GRID2: variants seen among roughly 807,000 people sequenced by gnomAD.
The protein encoded by GRID2 is glutamate receptor ionotropic, delta-2.
In GRID2, 33 loss-of-function variants were observed where a neutral mutation model predicts 114.8. The observed-to-expected ratio is 0.29, with a 90% CI of 0.22 to 0.38. The LOEUF (loss-of-function observed/expected upper bound fraction) is 0.38, where lower values mean the gene tolerates loss of function less well. Ranked by LOEUF, GRID2 falls within the 10% of genes least tolerant of loss-of-function variation. The pLI, the probability that GRID2 is intolerant of heterozygous loss-of-function variation, is 1.00. For synonymous variants in GRID2, 505 were observed against 449.9 expected (o/e 1.12, Z -1.55); for missense variants, 1,184 against 1,257.7 (o/e 0.94, Z 0.89).
intron 2 of GRID2, among the ~76,000 whole-genome samples, chr4:92,759,050 G>A (rs913851843): frequency 6.6e-6 from 1 of 152,084 alleles, no homozygotes; most frequent in Non-Finnish European, 1.5e-5. Context: ...CAGTCAAGAT[G>A]TCCACAAATA....
chr4:93,140,690 T>C (rs1486699704), intron 4 of GRID2, among the ~76,000 whole-genome samples: 1 of 152,206 alleles, frequency 6.6e-6, no homozygotes, highest in Admixed American at 6.5e-5. Context: ...CTTAACTTAG[T>C]GTTATAAAAT....
intron 2 of GRID2, among the ~76,000 whole-genome samples, chr4:92,793,402 G>A (rs1739687391): frequency 6.6e-6 from 1 of 151,552 alleles, no homozygotes; most frequent in African/African-American, 2.4e-5. Flanking sequence ...GAGGGTGGAG[G>A]GTCGGAACAG....
At chr4:92,496,235 T>G (rs956063268) in intron 1 of GRID2, among the ~76,000 whole-genome samples, 2 of 152,032 alleles carry the variant, frequency 1.3e-5, no homozygotes, top group East Asian at 3.9e-4. Flanking sequence ...AATTTCAATA[T>G]ATGTACACAC....
intron 2 of GRID2, among the ~76,000 whole-genome samples, chr4:93,074,485 G>C (rs1297677591): frequency 6.6e-6 from 1 of 152,148 alleles, no homozygotes; most frequent in Non-Finnish European, 1.5e-5. Flanking sequence ...TCAGCAGAAA[G>C]AAGGTAAACT....
intron 4 of GRID2, among the ~76,000 whole-genome samples, chr4:93,166,394 A>G (rs916431735): frequency 6.6e-6 from 1 of 152,182 alleles, no homozygotes; most frequent in African/African-American, 2.4e-5. Flanking sequence ...AAAAGAAGTC[A>G]GGTGACCTGG....
At chr4:93,460,679 G>A (rs1403688987) in intron 11 of GRID2, among the ~76,000 whole-genome samples, 3 of 152,094 alleles carry the variant, frequency 2.0e-5, no homozygotes, top group Non-Finnish European at 2.9e-5. Flanking sequence ...CCTTGTACAT[G>A]TTAGGCATTT....
At chr4:93,556,366 G>A (rs771447377) in intron 13 of GRID2, among the ~76,000 whole-genome samples, 7 of 152,162 alleles carry the variant, frequency 4.6e-5, no homozygotes, top group African/African-American at 9.7e-5. Context: ...TTGAGTAAAC[G>A]TTAGAGGAAT....
chr4:93,423,472 C>T (rs1369138526), intron 10 of GRID2, among the ~76,000 whole-genome samples: 1 of 149,872 alleles, frequency 6.7e-6, no homozygotes, highest in Non-Finnish European at 1.5e-5. Context: ...CTCAGCCTCC[C>T]GAGTAGCTGG....
At chr4:92,548,497 G>A (rs1219665942) in intron 1 of GRID2, among the ~76,000 whole-genome samples, 2 of 140,488 alleles carry the variant, frequency 1.4e-5, no homozygotes, top group East Asian at 4.3e-4. Context: ...CGCCTGCCGG[G>A]TTCAAGTGAT....
At chr4:92,305,181 G>A (rs180778949) in intron 1 of GRID2, among the ~76,000 whole-genome samples, 9 of 152,270 alleles carry the variant, frequency 5.9e-5, no homozygotes, top group Non-Finnish European at 8.8e-5. Flanking sequence ...GGGCTGGGGG[G>A]TAGGGGGAGC....
intron 2 of GRID2, among the ~76,000 whole-genome samples, chr4:92,642,483 T>C (rs929492247): frequency 2.6e-5 from 4 of 151,948 alleles, no homozygotes; most frequent in East Asian, 1.9e-4. Flanking sequence ...AATGGAGTTA[T>C]CTGTTTTTTA....
chr4:93,099,764 C>A (rs966514817), intron 3 of GRID2, among the ~76,000 whole-genome samples: 3 of 151,836 alleles, frequency 2.0e-5, no homozygotes, highest in Non-Finnish European at 2.9e-5. Flanking sequence ...TCTTTACTTA[C>A]AATTTAATTG....
At chr4:93,438,953 A>T (rs1721368923) in intron 10 of GRID2, among the ~76,000 whole-genome samples, 1 of 150,196 alleles carries the variant, frequency 6.7e-6, no homozygotes, top group African/African-American at 2.5e-5. Context: ...TGTCCTTGTG[A>T]TAGTTTGCTG....
At chr4:92,910,780 A>C (rs1748317057) in intron 2 of GRID2, among the ~76,000 whole-genome samples, 1 of 152,230 alleles carries the variant, frequency 6.6e-6, no homozygotes, top group South Asian at 2.1e-4. Flanking sequence ...GTATACTTTA[A>C]ATCATCTCTA....
At chr4:93,493,735 C>T (rs1333886929) in intron 12 of GRID2, among the ~76,000 whole-genome samples, 1 of 151,680 alleles carries the variant, frequency 6.6e-6, no homozygotes, top group Non-Finnish European at 1.5e-5. Context: ...AATTTTTCAT[C>T]CATAGGTTTA....
intron 13 of GRID2, among the ~76,000 whole-genome samples, chr4:93,571,819 A>G (rs967318306): frequency 6.6e-6 from 1 of 152,166 alleles, no homozygotes; most frequent in African/African-American, 2.4e-5. Flanking sequence ...AAAAGGGAAG[A>G]TAAGTTTGTG....
intron 10 of GRID2, among the ~76,000 whole-genome samples, chr4:93,441,435 TTA>T (rs1485334570): frequency 2.6e-5 from 4 of 151,964 alleles, no homozygotes; most frequent in African/African-American, 9.7e-5. Flanking sequence ...TAATAAAAAT[TTA>T]TTATAGCCTA....
At chr4:93,276,882 A>C (rs1203026901) in intron 8 of GRID2, among the ~76,000 whole-genome samples, 1 of 151,932 alleles carries the variant, frequency 6.6e-6, no homozygotes, top group East Asian at 1.9e-4. Context: ...TCTTTATTAA[A>C]GCTTATAATA....
chr4:92,973,365 G>A (rs774404235), intron 2 of GRID2, among the ~76,000 whole-genome samples: 2 of 152,242 alleles, frequency 1.3e-5, no homozygotes, highest in East Asian at 3.9e-4. Context: ...ACTCTCATAA[G>A]AACAGAGAAA....
Sources: allele counts gnomAD v4.1 joint callset (sites outside exome capture counted in the v4.1 genomes callset), GRCh38; gene constraint gnomAD v4.1.1; transcripts MANE v1.5; gene names NCBI Gene and HGNC (gene_info 2026-07-23, HGNC 2026-07-21).